The following MYO1E variants were observed in gnomAD, a reference collection of about 807,000 sequenced individuals.
MYO1E encodes the protein unconventional myosin-Ie.
MYO1E carries 68 observed loss-of-function variants against 151.1 expected under a neutral mutation model. The ratio of observed to expected loss-of-function variants is 0.45; its 90% CI spans 0.37 to 0.55. The LOEUF (loss-of-function observed/expected upper bound fraction) is 0.55. Among genes scored for constraint, MYO1E ranks in the 20% least tolerant of loss-of-function variants. The pLI is 0.00. For synonymous variants in MYO1E, 601 were observed against 501.7 expected (o/e 1.20, Z -2.64); for missense variants, 1,363 against 1,389.3 (o/e 0.98, Z 0.30).
chr15:59,316,632 G>C (rs568484869), intron 1 of MYO1E, among the ~76,000 whole-genome samples: 2 of 152,244 alleles, frequency 1.3e-5, no homozygotes, highest in South Asian at 4.1e-4. Context: ...TCGGAAGTCT[G>C]ATCACTTCTT....
At chr15:59,329,451 T>C (rs1427940104) in intron 1 of MYO1E, among the ~76,000 whole-genome samples, 3 of 152,146 alleles carry the variant, frequency 2.0e-5, no homozygotes, top group African/African-American at 7.2e-5. Flanking sequence ...ATGTGCATTG[T>C]TGGAGGAAAA....
chr15:59,211,247 T>A (rs2079877149), intron 12 of MYO1E, among the ~76,000 whole-genome samples: 1 of 151,670 alleles, frequency 6.6e-6, no homozygotes, highest in Non-Finnish European at 1.5e-5. Flanking sequence ...CAGATTAGCA[T>A]CCAGGTACTT....
Position 59,185,033 on chromosome 15 carries a change from T to C in MYO1E, c.1904+3085A>G, listed in dbSNP as rs568036758. 4.6e-5 allele frequency among the ~76,000 whole-genome samples: 7 copies of C among 152,348 alleles called. No homozygotes were observed. The South Asian group carries it at 1.2e-3, about 27-fold the overall frequency. ...GTTTTATTTTGGCTTTCTCTGATGA[T>C]CAATGATATTGAACACGTTTTCATA... On this transcript the variant is annotated intron_variant, in intron 18 of 27. Coordinates refer to ENST00000288235, the MANE Select transcript of MYO1E (RefSeq NM_004998.4).
intron 1 of MYO1E, among the ~76,000 whole-genome samples, chr15:59,331,221 G>A (rs1233670744): frequency 3.9e-5 from 6 of 152,274 alleles, no homozygotes; most frequent in South Asian, 4.1e-4. Flanking sequence ...TTGCTAAACC[G>A]ATGTAGGATC....
In MYO1E at chr15:59,134,613, G is replaced by C. The variant is rs909331951; in HGVS notation, c.*2767C>G. 1 of 152,208 alleles carries C rather than the reference G, an allele frequency of 6.6e-6. No individual in the cohort carries two copies. Among genetic ancestry groups the C allele is most frequent in the Admixed American group, 6.5e-5 (1 of 15,276 alleles). The allele number at this position is 152,208 out of a possible 1,614,324, so 9.4% of individuals were successfully genotyped here. The stretch of plus-strand genomic sequence containing the variant: ...ACCTCTACCCTAGGGTACACAGTCA[G>C]GCCTTCTCATTTAGTTCCTGGTTAC... On this transcript the variant is annotated 3_prime_UTR_variant, in exon 28 of 28. Coordinates refer to ENST00000288235, the MANE Select transcript of MYO1E (RefSeq NM_004998.4).
chr15:59,137,818 G>A (rs1348650930), intron 27 of MYO1E, among the ~76,000 whole-genome samples: 2 of 152,178 alleles, frequency 1.3e-5, no homozygotes, highest in African/African-American at 4.8e-5. Context: ...TACTGAAGTT[G>A]GTTCAGGGAT....
chr15:59,149,058 T>TG lies in MYO1E; in HGVS notation c.3080+4531_3080+4532insC, dbSNP rs1566964392. Among the ~76,000 whole-genome samples, 180 of 139,808 alleles carry TG rather than the reference T, an allele frequency of 1.3e-3. 1 individual carries two copies. Among genetic ancestry groups the TG allele is most frequent in the African/African-American group, 5.0e-3 (170 of 34,324 alleles). 91.7% of individuals were successfully genotyped at this position (139,808 alleles called of 152,430 possible). A position where few individuals can be genotyped will look rare whatever the true frequency, so the allele number is the denominator to read the frequency against. ...GAACTGTTTTTTTTTTTTTGTTTTT[T>TG]TTTTTTTTTTTTTTTTGAGACAGAG... On this transcript the variant is annotated intron_variant, in intron 26 of 27. Transcript: ENST00000288235.
intron 27 of MYO1E, among the ~76,000 whole-genome samples, chr15:59,137,851 G>A (rs1199510853): frequency 2.0e-5 from 3 of 152,214 alleles, no homozygotes; most frequent in Admixed American, 6.5e-5. Flanking sequence ...AATTTGGTCT[G>A]ATCAGAATAA....
chr15:59,236,419 C>A (rs939176348), intron 5 of MYO1E, among the ~76,000 whole-genome samples, 166 bp downstream of exon 5: 4 of 137,788 alleles, frequency 2.9e-5, no homozygotes, highest in South Asian at 2.3e-4. Context: ...CACACACACA[C>A]AAACACACAT....
intron 16 of MYO1E, among the ~76,000 whole-genome samples, chr15:59,201,399 AG>A (rs2079800846): frequency 8.8e-6 from 1 of 113,074 alleles, no homozygotes; most frequent in Non-Finnish European, 1.8e-5. Flanking sequence ...TGGCTGACAC[AG>A]ATTTTTTTTT....
At position 59,158,311 on chromosome 15, in the gene MYO1E, C is replaced by G; in HGVS notation, c.2854G>C (p.Val952Leu). Residue 952 changes from valine (V) to leucine (L), a missense_variant, in exon 25 of 28, where the codon GTG (valine) becomes CTG (leucine). Coordinates refer to ENST00000288235, the MANE Select transcript of MYO1E (RefSeq NM_004998.4). ...SSGTQNANYP[V>L]RAAPPPPGYH... ...CCTGGGGGAGGAGGGGCAGCTCTCA[C>G]TGGGTAGTTGGCATTTTGAGTCCCA... The G allele has an allele frequency of 6.3e-7, 1 of 1,577,104 alleles. No individual in the cohort carries two copies. Among genetic ancestry groups the G allele is most frequent in the Non-Finnish European group, 8.6e-7 (1 of 1,159,248 alleles).
chr15:59,168,613 C>A (rs1356499624), intron 22 of MYO1E, among the ~76,000 whole-genome samples: 1 of 152,094 alleles, frequency 6.6e-6, no homozygotes, highest in Non-Finnish European at 1.5e-5. Context: ...CACGGATAAT[C>A]ACAATTATCT....
rs1235455168 is a variant in MYO1E at position 59,364,171 on chromosome 15, G to A, written c.3+8327C>T. On this transcript the variant is annotated intron_variant, in intron 1 of 27. Transcript: ENST00000288235. ...AAGCTCTCCATCTCCATCCACTCCCGTTCTCTGGTAAGACCACTCATATTT... is the reference window on the plus strand; with the variant it reads ...AAGCTCTCCATCTCCATCCACTCCCATTCTCTGGTAAGACCACTCATATTT... 4.6e-5 allele frequency among the ~76,000 whole-genome samples: 7 copies of A among 152,124 alleles called. No individual in the cohort carries two copies. In the East Asian group the frequency reaches 7.7e-4, roughly 17 times the overall value.
intron 1 of MYO1E, among the ~76,000 whole-genome samples, chr15:59,320,575 A>G (rs1331058572): frequency 6.6e-6 from 1 of 152,236 alleles, no homozygotes; most frequent in Non-Finnish European, 1.5e-5. Flanking sequence ...GACAAAAATA[A>G]GCAATGTGGA....
In MYO1E at chr15:59,214,735, C is replaced by A. The variant is rs767162788; in HGVS notation, c.1108-15G>T. ...TTATTGATGGACTAGAGAAAGTAAA[C>A]AGCATGGCAGTGAACTCCTTTCCAT... is the stretch of plus-strand genomic sequence containing the variant. On this transcript the variant is annotated splice_polypyrimidine_tract_variant and intron_variant, in intron 10 of 27. Coordinates refer to ENST00000288235, the MANE Select transcript of MYO1E (RefSeq NM_004998.4). 5.0e-6 allele frequency: 8 copies of A among 1,597,928 alleles called. No homozygotes were observed. Among genetic ancestry groups the A allele is most frequent in the Non-Finnish European group, 6.9e-6 (8 of 1,165,370 alleles).
At chr15:59,318,162 G>A (rs1282233395) in intron 1 of MYO1E, among the ~76,000 whole-genome samples, 2 of 152,196 alleles carry the variant, frequency 1.3e-5, no homozygotes, top group East Asian at 3.8e-4. Context: ...GGAAATGGAA[G>A]ATAAATGGCA....
chr15:59,224,538 C>T (rs2079976740), intron 8 of MYO1E, 151 bp downstream of exon 8: 5 of 1,059,978 alleles, frequency 4.7e-6, no homozygotes, highest in Non-Finnish European at 7.0e-6. Context: ...TTTAAGGATA[C>T]TGAAACATGT....
At chr15:59,137,629 A>C (rs866751397) in intron 27 of MYO1E, among the ~76,000 whole-genome samples, 173 bp from the exon 28 acceptor site, 1 of 152,242 alleles carries the variant, frequency 6.6e-6, no homozygotes, top group Non-Finnish European at 1.5e-5. Context: ...AAATTAATAA[A>C]GCACTCAGCC....
chr15:59,351,072 T>C (rs1374495959), intron 1 of MYO1E, among the ~76,000 whole-genome samples: 1 of 152,118 alleles, frequency 6.6e-6, no homozygotes, highest in Non-Finnish European at 1.5e-5. Flanking sequence ...AATTTTTTTG[T>C]GTATTTTTAG....
Sources: allele counts gnomAD v4.1 joint callset (sites outside exome capture counted in the v4.1 genomes callset), GRCh38; gene constraint gnomAD v4.1.1; transcripts MANE v1.5; gene names NCBI Gene and HGNC (gene_info 2026-07-23, HGNC 2026-07-21).